CCT5: variants seen among roughly 807,000 people sequenced by gnomAD.
CCT5 encodes the protein T-complex protein 1 subunit epsilon.
A neutral mutation model predicts 55.0 loss-of-function variants in CCT5; 6 were observed. That is an observed-to-expected ratio of 0.11 (90% confidence interval 0.06 to 0.22). CCT5 has a LOEUF of 0.22. CCT5 is among the 10% of genes least tolerant of loss of function. The pLI is 1.00. For missense variants in CCT5, 560 were observed against 694.6 expected, an observed-to-expected ratio of 0.81 and a Z score of 2.18; for synonymous variants, 231 against 243.7, an observed-to-expected ratio of 0.95 and a Z score of 0.49.
chr5:10,259,976 A>G (rs1428930767), intron 6 of CCT5, among the ~76,000 whole-genome samples: 6 of 152,188 alleles, frequency 3.9e-5, no homozygotes, highest in Non-Finnish European at 5.9e-5. Context: ...TCCTGTTCTG[A>G]GCATGTGAGA....
At chr5:10,261,835 C>A in intron 8 of CCT5, 90 bp downstream of exon 8, 1 of 985,520 alleles carries the variant, frequency 1.0e-6, no homozygotes. Context: ...GAGACACAGT[C>A]ACCATAAGAA....
intron 6 of CCT5, among the ~76,000 whole-genome samples, chr5:10,258,872 A>T (rs1745812084): frequency 6.6e-6 from 1 of 152,200 alleles, no homozygotes; most frequent in Admixed American, 6.5e-5. Context: ...AGGCACCTAT[A>T]GTCCTAGCTA....
At chr5:10,262,976 A>G (rs1426722904) in intron 9 of CCT5, among the ~76,000 whole-genome samples, 158 bp from the exon 10 acceptor site, 2 of 152,148 alleles carry the variant, frequency 1.3e-5, no homozygotes, top group Non-Finnish European at 2.9e-5. Flanking sequence ...CTGTGGTGAC[A>G]TTATAATATT....
Position 10,256,077 on chromosome 5 carries a change from A to G in CCT5, c.454A>G (p.Ser152Gly). 6.2e-7 allele frequency: 1 copy of G among 1,614,108 alleles called. No homozygotes were observed. The highest frequency in any genetic ancestry group is 1.1e-5 in the South Asian group (1 of 91,078). ...RVAIEHLDKISDSVLVDIKDT... is the reference protein window; with the variant it reads ...RVAIEHLDKIGDSVLVDIKDT... ...TGCTATTGAACACCTGGACAAGATC[A>G]GCGATAGCGTCCTTGTTGACATAAA... The change falls in exon 4 of 11, where the codon AGC (serine) becomes GGC (glycine). Residue 152 changes from serine to glycine, a missense_variant. Ser to Gly is a moderately conservative substitution (Grantham distance 56, BLOSUM62 0). Transcript: ENST00000280326.
chr5:10,256,115 C>G lies in CCT5; in HGVS notation c.492C>G (p.Pro164=). Residue 164 remains proline (P), a synonymous_variant, in exon 4 of 11, where the codon CCC becomes CCG. Transcript: ENST00000280326. ...SVLVDIKDTE[P]LIQTAKTTLG... ...TTGTTGACATAAAGGACACCGAACC[C>G]CTGATTCAGACAGCAAAAACCACGC... The G allele has an allele frequency of 6.2e-7, 1 of 1,613,824 alleles. No homozygotes were observed. Among genetic ancestry groups the G allele is most frequent in the Non-Finnish European group, 8.5e-7 (1 of 1,179,852 alleles).
rs1746007987 is a variant in CCT5, at chr5:10,262,365, G to A, written c.1180-116G>A. 3 of 1,090,034 alleles carry A rather than the reference G, an allele frequency of 2.8e-6. No individual in the cohort carries two copies. In the Admixed American group the frequency reaches 5.4e-5, roughly 20 times the overall value. 67.5% of individuals were successfully genotyped at this position (1,090,034 alleles called of 1,614,324 possible). A position where few individuals can be genotyped will look rare whatever the true frequency, so the allele number is the denominator to read the frequency against. ...AGAAAGATAAATATTATCCGATAGT[G>A]GAGGCCATCTAAATATTAGAGCACA... On this transcript the variant is annotated intron_variant, in intron 8 of 10. Coordinates refer to ENST00000280326, the MANE Select transcript of CCT5 (RefSeq NM_012073.5).
At chr5:10,254,346 A>C in intron 2 of CCT5, 141 bp downstream of exon 2, 3 of 692,598 alleles carry the variant, frequency 4.3e-6, no homozygotes, top group Non-Finnish European at 7.7e-6. Flanking sequence ...AGTGTATTTC[A>C]GGTTTCTTAA....
At position 10,263,119 on chromosome 5, in the gene CCT5, TC is replaced by T; in HGVS notation, c.1318-14del. 1 of 1,613,632 alleles carries T rather than the reference TC, an allele frequency of 6.2e-7. No individual in the cohort carries two copies. The highest frequency in any genetic ancestry group is 8.5e-7 in the Non-Finnish European group (1 of 1,179,656). ...TTTCGCCAAGTGCACTCACCATACTTCTGTACCTTTCCAGTGCCCCACCTTA... is the reference window on the plus strand; with the variant it reads ...TTTCGCCAAGTGCACTCACCATACTTTGTACCTTTCCAGTGCCCCACCTTA... On this transcript the variant is annotated splice_polypyrimidine_tract_variant and intron_variant, in intron 9 of 10. Coordinates refer to ENST00000280326, the MANE Select transcript of CCT5 (RefSeq NM_012073.5).
chr5:10,254,971 A>C lies in CCT5; in HGVS notation c.331+133A>C, dbSNP rs2578616. The C allele has an allele frequency of 0.81, 614,420 of 762,464 alleles. 252,772 individuals are homozygous for C. Among genetic ancestry groups the C allele is most frequent in the East Asian group, 0.89 (33,521 of 37,680 alleles). 47.2% of individuals were successfully genotyped at this position (762,464 alleles called of 1,614,324 possible). ...GACAAATCCAAGTTGAAAACATGCTACAAAACAAATGTCGGACTTTCAAAA... is the reference window on the plus strand; with the variant it reads ...GACAAATCCAAGTTGAAAACATGCTCCAAAACAAATGTCGGACTTTCAAAA... On this transcript the variant is annotated intron_variant, in intron 3 of 10. Transcript: ENST00000280326.
rs140958223 is a variant in CCT5, at chr5:10,258,797, A to G, written c.873+262A>G. On this transcript the variant is annotated intron_variant, in intron 6 of 10. Coordinates refer to ENST00000280326, the MANE Select transcript of CCT5 (RefSeq NM_012073.5). The stretch of plus-strand genomic sequence containing the variant: ...GGCAGATCGTGAGATCATCGAGACC[A>G]TCTGACTAACACGGTGAAACGCCAT... 3.2e-3 allele frequency among the ~76,000 whole-genome samples: 491 copies of G among 152,320 alleles called. 5 individuals are homozygous for G. Among genetic ancestry groups the G allele is most frequent in the African/African-American group, 0.011 (465 of 41,574 alleles).
intron 8 of CCT5, 115 bp downstream of exon 8, chr5:10,261,860 C>T (rs773160689): frequency 2.4e-6 from 2 of 841,002 alleles, no homozygotes; most frequent in Non-Finnish European, 4.1e-6. Context: ...AATCGTGGTT[C>T]TCAAACAATG....
At chr5:10,252,846 T>C (rs1745494766) in intron 1 of CCT5, among the ~76,000 whole-genome samples, 1 of 152,136 alleles carries the variant, frequency 6.6e-6, no homozygotes. Context: ...TAGGGCAAAA[T>C]AGATCTCGGG....
upstream of CCT5, chr5:10,250,183 A>T: frequency 1.3e-6 from 2 of 1,544,220 alleles, no homozygotes; most frequent in Non-Finnish European, 8.7e-7. Flanking sequence ...TCCAGAAGAT[A>T]CTGTCTGGCG....
At chr5:10,250,256 TG>T, upstream of CCT5, 5 of 1,599,578 alleles carry the variant, frequency 3.1e-6, no homozygotes, top group Non-Finnish European at 4.3e-6. Flanking sequence ...CGCAAGCTTT[TG>T]GGCCCTCCCG....
chr5:10,250,337 C>G lies in CCT5; in HGVS notation c.-4C>G, dbSNP rs376371651. ...TGGGGGGAAGTAATTCCGGTTGTTG[C>G]ACCATGGCGTCCATGGGGACCCTCG... On this transcript the variant is annotated 5_prime_UTR_variant, in exon 1 of 11. Coordinates refer to ENST00000280326, the MANE Select transcript of CCT5 (RefSeq NM_012073.5). 6.2e-6 allele frequency: 10 copies of G among 1,613,932 alleles called. No homozygotes were observed. In the African/African-American group the frequency reaches 1.2e-4, roughly 19 times the overall value.
intron 1 of CCT5, among the ~76,000 whole-genome samples, chr5:10,253,613 G>A (rs1455508109): frequency 6.6e-6 from 1 of 152,100 alleles, no homozygotes; most frequent in Non-Finnish European, 1.5e-5. Context: ...GTTTACAGTT[G>A]GACTGTTTCT....
intron 6 of CCT5, among the ~76,000 whole-genome samples, chr5:10,259,610 G>T (rs1173775464): frequency 6.6e-6 from 1 of 152,244 alleles, no homozygotes; most frequent in Admixed American, 6.5e-5. Flanking sequence ...CAGTGCCCCT[G>T]GGGGAGGAGC....
At chr5:10,252,485 C>T (rs553178357) in intron 1 of CCT5, among the ~76,000 whole-genome samples, 1 of 152,180 alleles carries the variant, frequency 6.6e-6, no homozygotes, top group Admixed American at 6.5e-5. Flanking sequence ...CGCGGTGGCT[C>T]ACGCCTGTAA....
chr5:10,253,052 G>A (rs2445867), intron 1 of CCT5, among the ~76,000 whole-genome samples: 112,444 of 152,094 alleles, frequency 0.74, 43,735 homozygotes, highest in East Asian at 0.87. Flanking sequence ...TCAGCCGGGC[G>A]TGGTTGCTCA....
Sources: gnomAD v4.1 joint callset for allele counts (sites outside exome capture counted in the v4.1 genomes callset) on GRCh38, gnomAD v4.1.1 for gene constraint, MANE v1.5 for transcripts, NCBI Gene and HGNC (gene_info 2026-07-23, HGNC 2026-07-21) for gene names.